The following NUTF2 variants were observed in gnomAD, a reference collection of about 807,000 sequenced individuals.
NUTF2 encodes the protein placental protein 15.
Under a neutral mutation model 18.5 loss-of-function variants are expected in NUTF2, and 3 were observed. The ratio of observed to expected loss-of-function variants is 0.16; its 90% CI spans 0.07 to 0.42. NUTF2 has a LOEUF of 0.42. Ranked by LOEUF, NUTF2 falls within the 10% of genes least tolerant of loss-of-function variation. The pLI is 0.99. For missense variants in NUTF2, 44 were observed against 160.7 expected (o/e 0.27, Z 3.93); for synonymous variants, 51 against 57.9 (o/e 0.88, Z 0.54).
intron 1 of NUTF2, among the ~76,000 whole-genome samples, chr16:67,864,511 A>G (rs1418022527): frequency 4.6e-5 from 6 of 131,288 alleles, no homozygotes; most frequent in Admixed American, 7.2e-5. Flanking sequence ...CTCTGTCTCA[A>G]AAAAAAAAAA....
rs2057962836 is a variant in NUTF2, at chr16:67,865,291, T to A, written c.99+62T>A. 8.3e-5 allele frequency: 100 copies of A among 1,198,292 alleles called. 2 individuals carry two copies. In the South Asian group the frequency reaches 1.2e-3, roughly 15 times the overall value. The allele number at this position is 1,198,292 out of a possible 1,614,324, so 74.2% of individuals were successfully genotyped here. On this transcript the variant is annotated intron_variant, in intron 2 of 4. Coordinates refer to ENST00000219169, the MANE Select transcript of NUTF2 (RefSeq NM_005796.3). ...GGGATCAATTTGGATGTTGGGCCAG[T>A]GTGTCCAGTTCACAAGTTCTGGCAG...
chr16:67,868,647 A>G (rs2057991107), intron 4 of NUTF2, 48 bp downstream of exon 4: 3 of 1,533,272 alleles, frequency 2.0e-6, no homozygotes, highest in East Asian at 2.3e-5. Flanking sequence ...GGCAGAGGAG[A>G]GTCTTGTACC....
At chr16:67,861,173 AGAGC>A (rs1274322236) in intron 1 of NUTF2, among the ~76,000 whole-genome samples, 1 of 152,214 alleles carries the variant, frequency 6.6e-6, no homozygotes, top group Admixed American at 6.5e-5. Context: ...CTGCTGACCT[AGAGC>A]GAGTTGGAGT....
chr16:67,863,147 A>T (rs578112457), intron 1 of NUTF2, among the ~76,000 whole-genome samples: 2 of 152,176 alleles, frequency 1.3e-5, no homozygotes, highest in African/African-American at 4.8e-5. Context: ...CCTCTTGGAA[A>T]TGTGACCAAG....
At chr16:67,851,160 G>A (rs2057854063) in intron 1 of NUTF2, among the ~76,000 whole-genome samples, 1 of 151,992 alleles carries the variant, frequency 6.6e-6, no homozygotes, top group East Asian at 1.9e-4. Context: ...TGGAGTTGGT[G>A]GTTTGGGAGG....
rs780285436 is a variant in NUTF2, at chr16:67,865,236, T to G, written c.99+7T>G. 6.2e-7 allele frequency: 1 copy of G among 1,600,550 alleles called. No individual in the cohort carries two copies. The highest frequency in any genetic ancestry group is 1.1e-5 in the South Asian group (1 of 90,764). ...CCAACTAGGCGCAATTTACGTAAGT[T>G]TCCAGCTCTAGGGCCAGAATGGACC... is the stretch of plus-strand genomic sequence containing the variant. On this transcript the variant is annotated splice_region_variant and intron_variant, in intron 2 of 4. Transcript: ENST00000219169.
intron 1 of NUTF2, among the ~76,000 whole-genome samples, chr16:67,848,757 G>GAA (rs751592476): frequency 1.4e-4 from 19 of 132,960 alleles, no homozygotes; most frequent in Middle Eastern, 3.8e-3. Context: ...AAAAGAAAAA[G>GAA]AAAAAAAAAA....
chr16:67,868,239 C>T (rs1307053114), intron 2 of NUTF2, 101 bp from the exon 3 acceptor site: 5 of 1,011,948 alleles, frequency 4.9e-6, no homozygotes, highest in Admixed American at 2.3e-5. Context: ...TGAAGTGTGG[C>T]CACACTTCTC....
At chr16:67,858,934 T>C (rs1341631918) in intron 1 of NUTF2, among the ~76,000 whole-genome samples, 1 of 151,360 alleles carries the variant, frequency 6.6e-6, no homozygotes, top group Admixed American at 6.6e-5. Context: ...CCTCCCTGGC[T>C]CAAGCCATCC....
chr16:67,859,626 G>A (rs1290483181), intron 1 of NUTF2, among the ~76,000 whole-genome samples: 1 of 151,930 alleles, frequency 6.6e-6, no homozygotes, highest in African/African-American at 2.4e-5. Flanking sequence ...CCAAAGTCCT[G>A]GGATTAGAGG....
chr16:67,858,687 G>A (rs542812969), intron 1 of NUTF2, among the ~76,000 whole-genome samples: 13 of 152,284 alleles, frequency 8.5e-5, no homozygotes, highest in African/African-American at 2.9e-4. Context: ...GGCAAGAGAT[G>A]AGGTTGGACA....
At chr16:67,857,666 A>C (rs146507796) in intron 1 of NUTF2, among the ~76,000 whole-genome samples, 2 of 152,230 alleles carry the variant, frequency 1.3e-5, no homozygotes, top group African/African-American at 4.8e-5. Flanking sequence ...GACAGAGTCA[A>C]AGGGTCAAAT....
intron 1 of NUTF2, among the ~76,000 whole-genome samples, chr16:67,861,867 C>T (rs2057937304): frequency 6.6e-6 from 1 of 152,210 alleles, no homozygotes; most frequent in African/African-American, 2.4e-5. Context: ...TGGACCCCTC[C>T]CTCATGTTGC....
At chr16:67,853,536 T>A (rs1478858245) in intron 1 of NUTF2, among the ~76,000 whole-genome samples, 1 of 152,030 alleles carries the variant, frequency 6.6e-6, no homozygotes, top group Non-Finnish European at 1.5e-5. Context: ...TTTTGTATTT[T>A]TAGTAGAGAC....
At chr16:67,848,748 A>C (rs953254373) in intron 1 of NUTF2, among the ~76,000 whole-genome samples, 25 of 151,420 alleles carry the variant, frequency 1.7e-4, no homozygotes, top group Non-Finnish European at 3.4e-4. Flanking sequence ...TCTCAAAAAA[A>C]AAGAAAAAGA....
rs139910103 is a variant in NUTF2 at position 67,858,495 on chromosome 16, C to T, written c.-29-6607C>T. Among the ~76,000 whole-genome samples, 38 of 152,214 alleles carry T rather than the reference C, an allele frequency of 2.5e-4. No homozygotes were observed. In the East Asian group the frequency reaches 6.4e-3, roughly 26 times the overall value. On this transcript the variant is annotated intron_variant, in intron 1 of 4. Coordinates refer to ENST00000219169, the MANE Select transcript of NUTF2 (RefSeq NM_005796.3). ...AGACAGCAACTTTAGACTAAGGGGT[C>T]AGGGAAGGTGTGAATGAGGAGGTGA...
At chr16:67,862,909 A>G (rs943959937) in intron 1 of NUTF2, among the ~76,000 whole-genome samples, 4 of 152,128 alleles carry the variant, frequency 2.6e-5, no homozygotes, top group Non-Finnish European at 5.9e-5. Context: ...CTTTGCTCTG[A>G]GCCAAGGGTA....
At chr16:67,852,665 C>CT (rs2057868659) in intron 1 of NUTF2, among the ~76,000 whole-genome samples, 1 of 150,394 alleles carries the variant, frequency 6.6e-6, no homozygotes, top group South Asian at 2.1e-4. Context: ...GCCTTTTTTT[C>CT]TTTATTTTAT....
chr16:67,849,248 G>C (rs562935057), intron 1 of NUTF2, among the ~76,000 whole-genome samples: 1 of 152,234 alleles, frequency 6.6e-6, no homozygotes, highest in African/African-American at 2.4e-5. Flanking sequence ...GATTGTCTGC[G>C]TGGGTACTTT....
Sources: allele counts gnomAD v4.1 joint callset (sites outside exome capture counted in the v4.1 genomes callset), GRCh38; gene constraint gnomAD v4.1.1; transcripts MANE v1.5; gene names NCBI Gene and HGNC (gene_info 2026-07-23, HGNC 2026-07-21).